Variants in OLFM2 observed in about 807,000 individuals in gnomAD.
The protein encoded by OLFM2 is olfactomedin 2, also known as noelin-2.
In OLFM2, 20 loss-of-function variants were observed where a neutral mutation model predicts 43.9. The observed-to-expected ratio is 0.46, with a 90% CI of 0.32 to 0.66. OLFM2 has a LOEUF of 0.66. Among genes scored for constraint, OLFM2 ranks in the 30% least tolerant of loss-of-function variants. The pLI, the probability that OLFM2 is intolerant of heterozygous loss-of-function variation, is 0.04. For synonymous variants in OLFM2, 268 were observed against 278.6 expected, an observed-to-expected ratio of 0.96 and a Z score of 0.38; for missense variants, 416 against 643.6, an observed-to-expected ratio of 0.65 and a Z score of 3.83.
At chr19:9,932,854 A>G (rs932727487) in intron 1 of OLFM2, among the ~76,000 whole-genome samples, 5 of 152,172 alleles carry the variant, frequency 3.3e-5, no homozygotes, top group Admixed American at 3.3e-4. Flanking sequence ...AGTCACTCCC[A>G]GGCCAGAACC....
At position 9,860,753 on chromosome 19, in the gene OLFM2, GGT is replaced by G; in HGVS notation, c.103_104del (p.Thr35LeufsTer6). 1 of 1,609,854 alleles carries G rather than the reference GGT, an allele frequency of 6.2e-7. No individual in the cohort carries two copies. Among genetic ancestry groups the G allele is most frequent in the Non-Finnish European group, 8.5e-7 (1 of 1,178,584 alleles). Reference sequence around the variant, plus strand: ...ATTTCCCGTCAGGGGCCTGGGCTGAGGTGTACAGCTGCCAGCCCTCTTCTGGG... The same window carrying G: ...ATTTCCCGTCAGGGGCCTGGGCTGAGGTACAGCTGCCAGCCCTCTTCTGGG... ...QNPEEGWQLY[T>X]SAQAPDGKCI... On this transcript the variant is annotated frameshift_variant, in exon 2 of 6. Coordinates refer to ENST00000264833, the MANE Select transcript of OLFM2 (RefSeq NM_058164.4). LOFTEE classifies it high-confidence loss of function.
intron 1 of OLFM2, among the ~76,000 whole-genome samples, chr19:9,900,746 C>T (rs1185232164): frequency 1.3e-5 from 2 of 151,214 alleles, no homozygotes; most frequent in Non-Finnish European, 2.9e-5. Context: ...TAAAGATTAG[C>T]TGAGCATGGT....
intron 1 of OLFM2, among the ~76,000 whole-genome samples, chr19:9,900,945 G>GGGAAGGAAGGAA (rs762692609): frequency 0.02 from 373 of 18,924 alleles, 24 homozygotes; most frequent in Admixed American, 0.028. Context: ...GGGAGGGAAG[G>GGGAAGGAAGGAA]GGAAGGAAGG....
chr19:9,878,689 G>A (rs2046513229), intron 1 of OLFM2, among the ~76,000 whole-genome samples: 1 of 152,072 alleles, frequency 6.6e-6, no homozygotes, highest in East Asian at 1.9e-4. Context: ...ACCAGTGGCT[G>A]TTTTCCAGAT....
intron 1 of OLFM2, among the ~76,000 whole-genome samples, chr19:9,863,519 G>C (rs2046379337): frequency 6.6e-6 from 1 of 151,938 alleles, no homozygotes; most frequent in South Asian, 2.1e-4. Context: ...CCTATTCCAG[G>C]ATGCATTCTG....
At position 9,898,668 on chromosome 19, in the gene OLFM2, CCTT is replaced by C. The variant is rs2046706760; in HGVS notation, c.63+37633_63+37635del. On this transcript the variant is annotated intron_variant, in intron 1 of 5. Coordinates refer to ENST00000264833, the MANE Select transcript of OLFM2 (RefSeq NM_058164.4). ...CATGAGCCACTGTGCTTGGCCCCCTCCTTATCTTTAAGAAATTCTCCCTGGGCC... is the reference window on the plus strand; with the variant it reads ...CATGAGCCACTGTGCTTGGCCCCCTCATCTTTAAGAAATTCTCCCTGGGCC... Among the ~76,000 whole-genome samples, 6 of 152,274 alleles carry C rather than the reference CCTT, an allele frequency of 3.9e-5. No individual in the cohort carries two copies. In the South Asian group the frequency reaches 1.0e-3, roughly 26 times the overall value.
chr19:9,878,908 G>A (rs771565251), intron 1 of OLFM2, among the ~76,000 whole-genome samples: 4 of 151,948 alleles, frequency 2.6e-5, no homozygotes, highest in Non-Finnish European at 4.4e-5. Flanking sequence ...GCACAGTGGC[G>A]CAGTCATGGC....
intron 5 of OLFM2, among the ~76,000 whole-genome samples, chr19:9,855,102 A>G (rs1244095201): frequency 1.3e-5 from 2 of 152,110 alleles, no homozygotes; most frequent in Non-Finnish European, 2.9e-5. Flanking sequence ...TCCAGTGACC[A>G]CTAACCACCC....
In OLFM2 at chr19:9,883,546, G is replaced by A. The variant is rs542742668; in HGVS notation, c.64-22752C>T. 1.8e-4 allele frequency among the ~76,000 whole-genome samples: 28 copies of A among 152,218 alleles called. No individual in the cohort carries two copies. The South Asian group carries it at 5.2e-3, about 28-fold the overall frequency. On this transcript the variant is annotated intron_variant, in intron 1 of 5. Transcript: ENST00000264833. The stretch of plus-strand genomic sequence containing the variant: ...AGTCAAAGCTGCCGGAGAGAGGCCC[G>A]TGGCCCCCCAGCTTCTCCAGGGCTG...
At chr19:9,913,770 T>C (rs977331637) in intron 1 of OLFM2, 42 of 657,028 alleles carry the variant, frequency 6.4e-5, no homozygotes, top group Non-Finnish European at 7.4e-5. Flanking sequence ...CGGGACGGGG[T>C]GAGGGGGGGC....
intron 1 of OLFM2, among the ~76,000 whole-genome samples, chr19:9,894,695 GC>G (rs2046668397): frequency 6.6e-6 from 1 of 151,804 alleles, no homozygotes; most frequent in African/African-American, 2.4e-5. Context: ...GGCAACAAGA[GC>G]AAAACTCCGT....
At chr19:9,901,391 ACT>A (rs2046738356) in intron 1 of OLFM2, among the ~76,000 whole-genome samples, 1 of 152,066 alleles carries the variant, frequency 6.6e-6, no homozygotes, top group South Asian at 2.1e-4. Context: ...GCGTCACTGC[ACT>A]CCAGCCTGGG....
chr19:9,899,327 T>C (rs987848193), intron 1 of OLFM2, among the ~76,000 whole-genome samples: 1 of 151,816 alleles, frequency 6.6e-6, no homozygotes, highest in Admixed American at 6.6e-5. Flanking sequence ...TCGAATGCAG[T>C]GTTCCCTGCC....
chr19:9,905,157 A>G (rs953798358), intron 1 of OLFM2, among the ~76,000 whole-genome samples: 3 of 151,836 alleles, frequency 2.0e-5, no homozygotes, highest in Admixed American at 1.3e-4. Flanking sequence ...CCCTGTCTCT[A>G]CTAAAAATAC....
At chr19:9,878,836 C>A (rs1384786832) in intron 1 of OLFM2, among the ~76,000 whole-genome samples, 1 of 152,182 alleles carries the variant, frequency 6.6e-6, no homozygotes, top group Non-Finnish European at 1.5e-5. Context: ...TGGGCTCTAT[C>A]TCTGGGCTCC....
chr19:9,855,286 G>C (rs2046307421), intron 5 of OLFM2, among the ~76,000 whole-genome samples: 1 of 150,326 alleles, frequency 6.7e-6, no homozygotes, highest in South Asian at 2.1e-4. Context: ...TGTTGCCCAG[G>C]CTGGAGTACA....
intron 1 of OLFM2, among the ~76,000 whole-genome samples, chr19:9,868,472 A>G (rs1339934643): frequency 6.6e-6 from 1 of 152,082 alleles, no homozygotes. Context: ...CTCCCAAAGT[A>G]TTGGGATTAC....
rs988916882 is a variant in OLFM2, at chr19:9,856,352, C to T, written c.687+455G>A. Among the ~76,000 whole-genome samples the T allele has an allele frequency of 7.9e-5, 12 of 152,194 alleles. No individual in the cohort carries two copies. The highest frequency in any genetic ancestry group is 1.8e-4 in the Non-Finnish European group (12 of 68,036). ...ACCTCAGGTGATCCGCCCACCTCAG[C>T]CTCCCAAAGTGCTGGGATTACAGGC... On this transcript the variant is annotated intron_variant, in intron 5 of 5. Coordinates refer to ENST00000264833, the MANE Select transcript of OLFM2 (RefSeq NM_058164.4). The surrounding 1 kb of genome is among the most constrained non-coding windows in gnomAD (Gnocchi z 4.0).
At chr19:9,918,592 G>C (rs1025499079) in intron 1 of OLFM2, among the ~76,000 whole-genome samples, 1 of 152,166 alleles carries the variant, frequency 6.6e-6, no homozygotes, top group African/African-American at 2.4e-5. Context: ...AGCAGCATTG[G>C]TCATAATGAA....
Sources: gnomAD v4.1 joint callset for allele counts (sites outside exome capture counted in the v4.1 genomes callset) on GRCh38, gnomAD v4.1.1 for gene constraint, Gnocchi (gnomAD v3.1) non-coding constraint, MANE v1.5 for transcripts, NCBI Gene and HGNC (gene_info 2026-07-23, HGNC 2026-07-21) for gene names.